HDAC9: variants seen among roughly 807,000 people sequenced by gnomAD.
HDAC9 encodes the protein MEF-2 interacting transcription repressor (MITR) protein.
HDAC9 carries 41 observed loss-of-function variants against 139.4 expected under a neutral mutation model. The observed-to-expected ratio is 0.29, with a 90% CI of 0.23 to 0.38. The LOEUF (loss-of-function observed/expected upper bound fraction) is 0.38, where lower values mean the gene tolerates loss of function less well. HDAC9 is among the 10% of genes least tolerant of loss of function. The pLI is 1.00. For synonymous variants in HDAC9, 517 were observed against 476.2 expected, an observed-to-expected ratio of 1.09 and a Z score of -1.12; for missense variants, 1,147 against 1,297.0, an observed-to-expected ratio of 0.88 and a Z score of 1.78.
intron 22 of HDAC9, among the ~76,000 whole-genome samples, chr7:18,912,370 G>T (rs1360735201): frequency 6.6e-6 from 1 of 152,100 alleles, no homozygotes; most frequent in Middle Eastern, 3.4e-3. Flanking sequence ...TAAAACTGTA[G>T]AAAACTATAA....
At chr7:18,201,880 T>C (rs1791156113) in intron 2 of HDAC9, among the ~76,000 whole-genome samples, 1 of 152,152 alleles carries the variant, frequency 6.6e-6, no homozygotes, top group Non-Finnish European at 1.5e-5. Flanking sequence ...TTATTTACAA[T>C]AGAGAAAAAT....
At chr7:18,551,090 T>C (rs543781255) in intron 2 of HDAC9, among the ~76,000 whole-genome samples, 3 of 152,142 alleles carry the variant, frequency 2.0e-5, no homozygotes, top group Non-Finnish European at 4.4e-5. Flanking sequence ...TCCTGATGAA[T>C]TTAATACAGA....
At chr7:18,500,506 C>A (rs1798084621) in intron 2 of HDAC9, among the ~76,000 whole-genome samples, 1 of 152,122 alleles carries the variant, frequency 6.6e-6, no homozygotes. Flanking sequence ...GACCTGTCTC[C>A]TGGGCTGTCT....
At chr7:18,343,053 C>A (rs1053915734) in intron 1 of HDAC9, among the ~76,000 whole-genome samples, 1 of 151,686 alleles carries the variant, frequency 6.6e-6, no homozygotes, top group Non-Finnish European at 1.5e-5. Flanking sequence ...TAACAATTTG[C>A]CAAGTCATTT....
At chr7:18,344,374 C>G (rs751062533) in intron 1 of HDAC9, among the ~76,000 whole-genome samples, 5 of 151,828 alleles carry the variant, frequency 3.3e-5, no homozygotes, top group Non-Finnish European at 7.4e-5. Context: ...ATCCTCATTT[C>G]ACAGATAAGG....
chr7:18,162,442 AAC>A, intron 2 of HDAC9: 1 of 1,265,022 alleles, frequency 7.9e-7, no homozygotes, highest in Non-Finnish European at 1.1e-6. Context: ...TTTATGAAGG[AAC>A]TTTTTTTTTT....
chr7:18,697,151 G>T (rs913262744), intron 12 of HDAC9, among the ~76,000 whole-genome samples: 2 of 152,124 alleles, frequency 1.3e-5, no homozygotes, highest in Non-Finnish European at 2.9e-5. Flanking sequence ...TTGTAAGGAT[G>T]GCCTAGCAGT....
At position 18,568,204 on chromosome 7, in the gene HDAC9, AAG is replaced by A. The variant is rs574943693; in HGVS notation, c.23-17073_23-17072del. On this transcript the variant is annotated intron_variant, in intron 2 of 25. Coordinates refer to ENST00000686413, the MANE Select transcript of HDAC9 (RefSeq NM_178425.4). ...GTATACAATCTCTGTCTCATGGAAA[AAG>A]AGATAATTTAGGAGAACACTCCTGA... is the stretch of plus-strand genomic sequence containing the variant. Among the ~76,000 whole-genome samples, 44 of 152,044 alleles carry A rather than the reference AAG, an allele frequency of 2.9e-4. No homozygotes were observed. The East Asian group carries it at 7.1e-3, about 25-fold the overall frequency.
At chr7:18,310,001 A>G (rs1272092121) in intron 1 of HDAC9, among the ~76,000 whole-genome samples, 1 of 152,166 alleles carries the variant, frequency 6.6e-6, no homozygotes, top group Non-Finnish European at 1.5e-5. Flanking sequence ...TGCAAATTCT[A>G]GGCTTTCTGG....
chr7:18,115,844 G>C (rs1469439638), intron 1 of HDAC9, among the ~76,000 whole-genome samples: 1 of 152,228 alleles, frequency 6.6e-6, no homozygotes, highest in Non-Finnish European at 1.5e-5. Context: ...AGAATAAATA[G>C]TATTAGAGAG....
chr7:18,917,854 A>G (rs906802081), intron 22 of HDAC9, among the ~76,000 whole-genome samples: 3 of 152,004 alleles, frequency 2.0e-5, no homozygotes, highest in Non-Finnish European at 2.9e-5. Flanking sequence ...AATACATGCA[A>G]TGGAAAGCCT....
intron 2 of HDAC9, among the ~76,000 whole-genome samples, chr7:18,182,453 A>G (rs1430440404): frequency 6.6e-6 from 1 of 152,242 alleles, no homozygotes; most frequent in Non-Finnish European, 1.5e-5. Context: ...ACAGACAAAC[A>G]TAGTGGGAGG....
At chr7:18,367,063 A>C (rs966287338) in intron 1 of HDAC9, among the ~76,000 whole-genome samples, 6 of 152,080 alleles carry the variant, frequency 3.9e-5, no homozygotes, top group Admixed American at 2.0e-4. Context: ...ATTTTCTTTC[A>C]GAATATACAT....
intron 23 of HDAC9, among the ~76,000 whole-genome samples, chr7:18,947,696 A>G (rs535651180): frequency 3.6e-3 from 542 of 152,126 alleles, no homozygotes; most frequent in African/African-American, 0.012. Context: ...AACACCAATC[A>G]CAAATTGTTT....
intron 1 of HDAC9, among the ~76,000 whole-genome samples, chr7:18,461,982 G>C (rs139760190): frequency 1.3e-5 from 2 of 152,010 alleles, no homozygotes. Context: ...GAGAAACTGA[G>C]CAGTGTGGTC....
chr7:18,233,527 A>G (rs1329482083), intron 2 of HDAC9, among the ~76,000 whole-genome samples: 1 of 152,092 alleles, frequency 6.6e-6, no homozygotes, highest in Non-Finnish European at 1.5e-5. Flanking sequence ...AGTGACAATA[A>G]TGGAAATATA....
At chr7:18,564,964 TTTATTTA>T (rs775950312) in intron 2 of HDAC9, among the ~76,000 whole-genome samples, 3 of 3,696 alleles carry the variant, frequency 8.1e-4, no homozygotes, top group African/African-American at 6.0e-3. Flanking sequence ...ATGTATTTTA[TTTATTTA>T]TTTATTTATT....
At chr7:18,634,131 C>T (rs1007662315) in intron 7 of HDAC9, among the ~76,000 whole-genome samples, 1 of 151,918 alleles carries the variant, frequency 6.6e-6, no homozygotes, top group Admixed American at 6.6e-5. Flanking sequence ...CTAGTATATG[C>T]AATAATAAGG....
chr7:18,716,023 T>C (rs4721722), intron 12 of HDAC9, among the ~76,000 whole-genome samples: 16,984 of 152,262 alleles, frequency 0.11, 976 homozygotes, highest in East Asian at 0.17. Flanking sequence ...GTCATGTCTC[T>C]CGTTATGATA....
Sources: gnomAD v4.1 joint callset for allele counts (sites outside exome capture counted in the v4.1 genomes callset) on GRCh38, gnomAD v4.1.1 for gene constraint, MANE v1.5 for transcripts, NCBI Gene and HGNC (gene_info 2026-07-23, HGNC 2026-07-21) for gene names.